Variants in PPP2R5E observed in about 807,000 individuals in gnomAD.
PPP2R5E encodes the protein protein phosphatase 2 regulatory subunit B'epsilon.
In PPP2R5E, 4 loss-of-function variants were observed where a neutral mutation model predicts 65.3. That is an observed-to-expected ratio of 0.06 (90% CI 0.03 to 0.14). The LOEUF (loss-of-function observed/expected upper bound fraction) is 0.14, where lower values mean the gene tolerates loss of function less well. Among genes scored for constraint, PPP2R5E ranks in the 10% least tolerant of loss-of-function variants. PPP2R5E has a pLI of 1.00. For synonymous variants in PPP2R5E, 183 were observed against 187.4 expected (o/e 0.98, Z 0.19); for missense variants, 274 against 556.1 (o/e 0.49, Z 5.10).
chr14:63,502,098 T>C (rs2139670959), intron 2 of PPP2R5E, among the ~76,000 whole-genome samples: 1 of 152,282 alleles, frequency 6.6e-6, no homozygotes, highest in South Asian at 2.1e-4. Flanking sequence ...TTTCACCATG[T>C]AGGCCAAGCT....
intron 3 of PPP2R5E, among the ~76,000 whole-genome samples, chr14:63,437,191 G>A (rs1468475025): frequency 6.6e-6 from 1 of 152,190 alleles, no homozygotes; most frequent in Non-Finnish European, 1.5e-5. Context: ...CTAAAAGGGA[G>A]AGGAACCCTC....
At chr14:63,450,411 C>A (rs915939899) in intron 3 of PPP2R5E, among the ~76,000 whole-genome samples, 2 of 152,086 alleles carry the variant, frequency 1.3e-5, no homozygotes, top group South Asian at 2.1e-4. Flanking sequence ...AAAACACATA[C>A]AAATGATAGG....
chr14:63,538,665 C>A (rs1051564808), intron 2 of PPP2R5E, among the ~76,000 whole-genome samples: 4 of 151,890 alleles, frequency 2.6e-5, no homozygotes, highest in African/African-American at 7.3e-5. Flanking sequence ...AAATTTCAGG[C>A]CAGGCACGGT....
intron 3 of PPP2R5E, among the ~76,000 whole-genome samples, chr14:63,430,108 CAATT>C (rs1173514819): frequency 2.0e-5 from 3 of 152,108 alleles, no homozygotes; most frequent in African/African-American, 4.8e-5. Context: ...TTTTAAAAAA[CAATT>C]AAATCTGAAA....
chr14:63,516,195 A>C (rs1892664995), intron 2 of PPP2R5E, among the ~76,000 whole-genome samples: 1 of 152,160 alleles, frequency 6.6e-6, no homozygotes, highest in Non-Finnish European at 1.5e-5. Context: ...AAATTCCACA[A>C]GGGTGAATAC....
intron 3 of PPP2R5E, among the ~76,000 whole-genome samples, chr14:63,450,719 C>G (rs1019445263): frequency 6.6e-6 from 1 of 151,650 alleles, no homozygotes; most frequent in African/African-American, 2.4e-5. Context: ...GGACACAGTT[C>G]CTTCTTAGGT....
chr14:63,461,673 G>A (rs967610418), intron 2 of PPP2R5E, among the ~76,000 whole-genome samples: 2 of 150,226 alleles, frequency 1.3e-5, no homozygotes, highest in African/African-American at 2.5e-5. Flanking sequence ...GCTTGGTGGC[G>A]TGTGCCTGTA....
At chr14:63,446,276 T>C (rs941915571) in intron 3 of PPP2R5E, among the ~76,000 whole-genome samples, 1 of 152,094 alleles carries the variant, frequency 6.6e-6, no homozygotes, top group Non-Finnish European at 1.5e-5. Flanking sequence ...TCCATGAGGG[T>C]TGGAATCAAC....
chr14:63,419,204 A>G (rs1886871979), intron 4 of PPP2R5E, among the ~76,000 whole-genome samples: 1 of 152,162 alleles, frequency 6.6e-6, no homozygotes, highest in Non-Finnish European at 1.5e-5. Context: ...AGGAGCAGTC[A>G]ATTAGCTGGG....
At chr14:63,398,593 C>G (rs1015700041) in intron 5 of PPP2R5E, among the ~76,000 whole-genome samples, 1 of 152,052 alleles carries the variant, frequency 6.6e-6, no homozygotes, top group African/African-American at 2.4e-5. Context: ...GGTTTGAGAT[C>G]AGCCTGGCCA....
At position 63,437,929 on chromosome 14, in the gene PPP2R5E, C is replaced by T. The variant is rs369796002; in HGVS notation, c.354+15760G>A. 2.3e-4 allele frequency among the ~76,000 whole-genome samples: 35 copies of T among 152,278 alleles called. No homozygotes were observed. In the East Asian group the frequency reaches 5.2e-3, roughly 23 times the overall value. On this transcript the variant is annotated intron_variant, in intron 3 of 13. Transcript: ENST00000337537. The stretch of plus-strand genomic sequence containing the variant: ...CTCACCATGACCCCACCAGCTGTCC[C>T]TCTCCACTACTTGGCCAACCCTCAC...
chr14:63,401,335 A>C (rs1224565124), intron 5 of PPP2R5E, among the ~76,000 whole-genome samples: 2 of 152,178 alleles, frequency 1.3e-5, no homozygotes, highest in African/African-American at 4.8e-5. Flanking sequence ...AAAGAAATAT[A>C]ATCCCACACC....
At chr14:63,510,394 C>G (rs1892402434) in intron 2 of PPP2R5E, among the ~76,000 whole-genome samples, 1 of 152,246 alleles carries the variant, frequency 6.6e-6, no homozygotes, top group South Asian at 2.1e-4. Flanking sequence ...CTCAAGGTCA[C>G]TGCCCTCATG....
At chr14:63,425,999 T>C (rs1320545342) in intron 3 of PPP2R5E, among the ~76,000 whole-genome samples, 1 of 152,226 alleles carries the variant, frequency 6.6e-6, no homozygotes, top group Non-Finnish European at 1.5e-5. Flanking sequence ...TATCTTCCTG[T>C]CATGCTTTAT....
chr14:63,400,016 A>G (rs1885655459), intron 5 of PPP2R5E, among the ~76,000 whole-genome samples: 2 of 152,226 alleles, frequency 1.3e-5, no homozygotes, highest in Admixed American at 6.5e-5. Context: ...CCCCTCAAAC[A>G]TGGCAGGAAA....
At chr14:63,508,672 A>G (rs1028383059) in intron 2 of PPP2R5E, among the ~76,000 whole-genome samples, 7 of 152,234 alleles carry the variant, frequency 4.6e-5, no homozygotes, top group Non-Finnish European at 8.8e-5. Flanking sequence ...CCAAAAGGGG[A>G]TGTTCTTAAC....
intron 2 of PPP2R5E, among the ~76,000 whole-genome samples, chr14:63,464,388 G>C (rs993824163): frequency 3.9e-5 from 6 of 152,164 alleles, no homozygotes; most frequent in African/African-American, 9.7e-5. Context: ...GCAAATACTT[G>C]AAGGAAGTGG....
chr14:63,430,027 T>C (rs772792114), intron 3 of PPP2R5E, among the ~76,000 whole-genome samples: 3 of 152,148 alleles, frequency 2.0e-5, no homozygotes, highest in Admixed American at 6.5e-5. Context: ...AAGATGAATC[T>C]AAGTAGATAC....
rs901909310 is a variant in PPP2R5E at position 63,489,185 on chromosome 14, G to A, written c.158-35300C>T. Among the ~76,000 whole-genome samples, 6 of 151,808 alleles carry A rather than the reference G, an allele frequency of 4.0e-5. No homozygotes were observed. The South Asian group carries it at 1.2e-3, about 31-fold the overall frequency. ...AATTACTTTTTGCATTAATTTGGGG[G>A]GGTAGTTTATTTCTGATTTTAAAAA... On this transcript the variant is annotated intron_variant, in intron 2 of 13. Transcript: ENST00000337537.
Sources: allele counts gnomAD v4.1 joint callset (sites outside exome capture counted in the v4.1 genomes callset), GRCh38; gene constraint gnomAD v4.1.1; transcripts MANE v1.5; gene names NCBI Gene and HGNC (gene_info 2026-07-23, HGNC 2026-07-21).